Variants in EVL observed in about 807,000 individuals in gnomAD.
EVL encodes ena/VASP-like protein.
Under a neutral mutation model 59.6 loss-of-function variants are expected in EVL, and 21 were observed. The observed-to-expected ratio is 0.35, with a 90% CI of 0.25 to 0.51. EVL has a LOEUF of 0.51. EVL is among the 20% of genes least tolerant of loss of function. EVL has a pLI of 0.97. For missense variants in EVL, 462 were observed against 546.6 expected, an observed-to-expected ratio of 0.85 and a Z score of 1.54; for synonymous variants, 198 against 203.5, an observed-to-expected ratio of 0.97 and a Z score of 0.23.
intron 1 of EVL, among the ~76,000 whole-genome samples, chr14:100,028,539 G>A (rs184999742): frequency 7.2e-5 from 11 of 152,272 alleles, no homozygotes; most frequent in Middle Eastern, 3.4e-3. Flanking sequence ...TCGGCCGGGC[G>A]CGGTGGCTCA....
At chr14:100,099,140 C>G (rs1311535500) in intron 3 of EVL, among the ~76,000 whole-genome samples, 1 of 111,020 alleles carries the variant, frequency 9.0e-6, no homozygotes, top group East Asian at 2.8e-4. Context: ...GTCCGGAGTT[C>G]AAGACCAACC....
chr14:100,042,729 C>T (rs578235265), intron 1 of EVL, among the ~76,000 whole-genome samples: 1 of 152,302 alleles, frequency 6.6e-6, no homozygotes, highest in East Asian at 1.9e-4. Flanking sequence ...TATGCTTAAG[C>T]TACAACGTTT....
chr14:100,069,223 A>C (rs1399877849), intron 1 of EVL, among the ~76,000 whole-genome samples: 1 of 152,180 alleles, frequency 6.6e-6, no homozygotes, highest in East Asian at 1.9e-4. Flanking sequence ...GTTGCTACTC[A>C]GTGGAGCTTC....
At chr14:100,062,572 A>G (rs976062041), upstream of EVL, among the ~76,000 whole-genome samples, 5 of 152,326 alleles carry the variant, frequency 3.3e-5, no homozygotes, top group African/African-American at 1.2e-4. Flanking sequence ...CAAATAGCAA[A>G]GTAGTAGACC....
chr14:100,009,446 T>G (rs1317304406), intron 1 of EVL, among the ~76,000 whole-genome samples: 1 of 152,256 alleles, frequency 6.6e-6, no homozygotes, highest in Non-Finnish European at 1.5e-5. Context: ...GAAATTGCCT[T>G]CCTTTCTTGG....
chr14:100,108,023 G>C lies in EVL; in HGVS notation c.358+10365G>C, dbSNP rs1805665383. On this transcript the variant is annotated intron_variant, in intron 3 of 13. Coordinates refer to ENST00000392920, the MANE Select transcript of EVL (RefSeq NM_016337.3). This position sits in a 1 kb window ranked among gnomAD's most constrained non-coding sequence, Gnocchi z 4.1. ...CATAATGTATGTCCTTTTCCTACTT[G>C]GTTTGCGTGTAATAACATCATTGGT... The C allele has an allele frequency of 2.0e-5, 3 of 152,126 alleles. No individual in the cohort carries two copies. In the South Asian group the frequency reaches 6.2e-4, roughly 32 times the overall value. 9.4% of individuals were successfully genotyped at this position (152,126 alleles called of 1,614,324 possible).
At chr14:100,081,234 G>A (rs1418655969) in intron 1 of EVL, among the ~76,000 whole-genome samples, 1 of 152,186 alleles carries the variant, frequency 6.6e-6, no homozygotes, top group African/African-American at 2.4e-5. Flanking sequence ...ATTTATCCAG[G>A]TGAAGATGTC....
chr14:100,047,512 C>T (rs1024914335), intron 1 of EVL, among the ~76,000 whole-genome samples: 1 of 152,048 alleles, frequency 6.6e-6, no homozygotes, highest in Non-Finnish European at 1.5e-5. Flanking sequence ...TCCATTGCTC[C>T]GGGACAGACA....
intron 1 of EVL, among the ~76,000 whole-genome samples, chr14:100,004,659 C>G (rs1382345587): frequency 6.6e-6 from 1 of 152,114 alleles, no homozygotes; most frequent in Non-Finnish European, 1.5e-5. Flanking sequence ...TCATTTTATT[C>G]TAGGACTGCA....
At chr14:99,979,909 G>A (rs2060795756) in intron 1 of EVL, among the ~76,000 whole-genome samples, 1 of 152,048 alleles carries the variant, frequency 6.6e-6, no homozygotes, top group South Asian at 2.1e-4. Flanking sequence ...AATAAAGGAT[G>A]GTTGTGTCTA....
At chr14:99,998,302 C>T (rs1595552305) in intron 1 of EVL, among the ~76,000 whole-genome samples, 1 of 152,086 alleles carries the variant, frequency 6.6e-6, no homozygotes, top group African/African-American at 2.4e-5. Context: ...CAGACATGAG[C>T]CCCTGCACTC....
chr14:100,001,445 T>A (rs1377487130), intron 1 of EVL, among the ~76,000 whole-genome samples: 1 of 152,236 alleles, frequency 6.6e-6, no homozygotes, highest in Non-Finnish European at 1.5e-5. Context: ...CTCTCTCCAG[T>A]TTCCCGTTTT....
chr14:100,054,364 A>G (rs2061694451), intron 1 of EVL, among the ~76,000 whole-genome samples: 1 of 151,976 alleles, frequency 6.6e-6, no homozygotes, highest in South Asian at 2.1e-4. Context: ...ACGTTTTGAC[A>G]TCTTTACGCG....
chr14:100,065,488 C>G lies in EVL; in HGVS notation c.-13C>G. ...CGCCTCCTCAGGGTTCCCTGTGCTG[C>G]CACTTTTCAGCCATGGCCACAAGGT... On this transcript the variant is annotated 5_prime_UTR_variant, in exon 1 of 14. Transcript: ENST00000392920. The G allele has an allele frequency of 6.6e-7, 1 of 1,517,636 alleles. No individual in the cohort carries two copies. Among genetic ancestry groups the G allele is most frequent in the Non-Finnish European group, 8.9e-7 (1 of 1,121,428 alleles). The allele number at this position is 1,517,636 out of a possible 1,614,324, so 94.0% of individuals were successfully genotyped here.
intron 1 of EVL, among the ~76,000 whole-genome samples, chr14:100,015,790 G>T (rs1434582531): frequency 6.6e-6 from 1 of 152,172 alleles, no homozygotes; most frequent in Non-Finnish European, 1.5e-5. Flanking sequence ...ACAATTATTG[G>T]CTGGGCACAG....
chr14:99,996,507 T>G (rs2060915458), intron 1 of EVL, among the ~76,000 whole-genome samples: 1 of 152,170 alleles, frequency 6.6e-6, no homozygotes, highest in Admixed American at 6.5e-5. Flanking sequence ...CAATTCTATT[T>G]CTCAATTAAC....
Position 100,127,741 on chromosome 14 carries a change from G to T in EVL, c.488-778G>T, listed in dbSNP as rs534333777. Among the ~76,000 whole-genome samples the T allele has an allele frequency of 6.6e-6, 1 of 152,188 alleles. No individual in the cohort carries two copies. The highest frequency in any genetic ancestry group is 6.5e-5 in the Admixed American group (1 of 15,272). ...CTTCCGTGAGGACGTCATGGAGGAC[G>T]TCCGTCTTCCATGAACTTCTGGCCA... On this transcript the variant is annotated intron_variant, in intron 5 of 13. Coordinates refer to ENST00000392920, the MANE Select transcript of EVL (RefSeq NM_016337.3). The surrounding 1 kb of genome is among the most constrained non-coding windows in gnomAD (Gnocchi z 4.2).
chr14:99,975,557 TA>T (rs1174192603), intron 1 of EVL, among the ~76,000 whole-genome samples: 1 of 152,164 alleles, frequency 6.6e-6, no homozygotes, highest in Non-Finnish European at 1.5e-5. Flanking sequence ...CTTGGGGGGT[TA>T]GGGGGGTAGT....
intron 5 of EVL, 91 bp downstream of exon 5, chr14:100,126,862 C>A: frequency 7.9e-7 from 1 of 1,270,876 alleles, no homozygotes. Flanking sequence ...ACACGGGGCG[C>A]TCTGTGAGCA....
Sources: gnomAD v4.1 joint callset for allele counts (sites outside exome capture counted in the v4.1 genomes callset) on GRCh38, gnomAD v4.1.1 for gene constraint, Gnocchi (gnomAD v3.1) non-coding constraint, MANE v1.5 for transcripts, NCBI Gene and HGNC (gene_info 2026-07-23, HGNC 2026-07-21) for gene names.